The following GABRB2 variants were observed in gnomAD, a reference collection of about 807,000 sequenced individuals.
GABRB2 encodes gamma-aminobutyric acid receptor subunit beta-2.
GABRB2 carries 16 observed loss-of-function variants against 54.7 expected under a neutral mutation model. That is an observed-to-expected ratio of 0.29 (90% confidence interval 0.20 to 0.44). GABRB2 has a LOEUF of 0.44. Among genes scored for constraint, GABRB2 ranks in the 20% least tolerant of loss-of-function variants. The pLI, the probability that GABRB2 is intolerant of heterozygous loss-of-function variation, is 1.00. For missense variants in GABRB2, 355 were observed against 644.0 expected (o/e 0.55, Z 4.86); for synonymous variants, 244 against 233.8 (o/e 1.04, Z -0.40).
chr5:161,442,406 G>C (rs145808612), intron 4 of GABRB2, among the ~76,000 whole-genome samples: 1 of 152,132 alleles, frequency 6.6e-6, no homozygotes, highest in Admixed American at 6.6e-5. Context: ...ACCCACTCTC[G>C]TGCAGAATCT....
chr5:161,386,297 G>T (rs145769641), intron 5 of GABRB2, among the ~76,000 whole-genome samples: 2 of 152,064 alleles, frequency 1.3e-5, no homozygotes, highest in Admixed American at 1.3e-4. Flanking sequence ...AATAATTTTC[G>T]ATGTCATTCA....
intron 5 of GABRB2, among the ~76,000 whole-genome samples, chr5:161,389,316 T>C (rs1485215239): frequency 1.3e-5 from 2 of 152,052 alleles, no homozygotes. Context: ...CCGTGGAAAC[T>C]AGATAATTAA....
chr5:161,453,219 G>T (rs559428187), intron 4 of GABRB2, among the ~76,000 whole-genome samples: 2 of 152,218 alleles, frequency 1.3e-5, no homozygotes, highest in South Asian at 4.1e-4. Context: ...CCCATATCTA[G>T]CCATATCTCT....
intron 5 of GABRB2, among the ~76,000 whole-genome samples, chr5:161,374,772 G>A (rs1404109088): frequency 6.6e-6 from 1 of 151,968 alleles, no homozygotes; most frequent in Non-Finnish European, 1.5e-5. Context: ...TGGTCTTACT[G>A]ATCTTCATGG....
rs138628254 is a variant in GABRB2, at chr5:161,304,976, A to G, written c.1192-10548T>C. On this transcript the variant is annotated intron_variant, in intron 9 of 9. Transcript: ENST00000393959. ...AAACACCTGAAGAAGGAAAAGGGGA[A>G]GAAAACTATATTTATGATATATCAA... 2.0e-3 allele frequency among the ~76,000 whole-genome samples: 303 copies of G among 151,236 alleles called. 2 individuals are homozygous for G. The highest frequency in any genetic ancestry group is 6.8e-3 in the African/African-American group (282 of 41,268).
At chr5:161,461,387 C>G (rs77996061) in intron 3 of GABRB2, among the ~76,000 whole-genome samples, 8,776 of 152,142 alleles carry the variant, frequency 0.058, 623 homozygotes, top group East Asian at 0.17. Context: ...CTTGGGGTCC[C>G]AATTCTACCA....
At chr5:161,369,314 C>G (rs1416521849) in intron 5 of GABRB2, among the ~76,000 whole-genome samples, 1 of 152,152 alleles carries the variant, frequency 6.6e-6, no homozygotes, top group Non-Finnish European at 1.5e-5. Flanking sequence ...GAGCAATACT[C>G]TTTTTCTAAA....
At chr5:161,361,722 TCTTCAG>T (rs1356153474) in intron 5 of GABRB2, among the ~76,000 whole-genome samples, 43 of 152,286 alleles carry the variant, frequency 2.8e-4, no homozygotes, top group African/African-American at 1.0e-3. Flanking sequence ...TCTTCCTGTT[TCTTCAG>T]CATATCAAAC....
intron 9 of GABRB2, among the ~76,000 whole-genome samples, chr5:161,314,114 C>G (rs1476330846): frequency 3.9e-5 from 6 of 152,218 alleles, no homozygotes; most frequent in Non-Finnish European, 7.3e-5. Flanking sequence ...CAACTGAAGT[C>G]AACAATCCTG....
chr5:161,418,386 T>C (rs1218380188), intron 4 of GABRB2, among the ~76,000 whole-genome samples: 1 of 152,198 alleles, frequency 6.6e-6, no homozygotes, highest in African/African-American at 2.4e-5. Context: ...TTCTAAGTTA[T>C]GTCTTAGAGG....
intron 3 of GABRB2, among the ~76,000 whole-genome samples, chr5:161,485,952 T>C (rs914640940): frequency 2.6e-5 from 4 of 151,800 alleles, no homozygotes; most frequent in Non-Finnish European, 5.9e-5. Flanking sequence ...AGCCAAAAGA[T>C]GGAAAATGGT....
intron 3 of GABRB2, among the ~76,000 whole-genome samples, chr5:161,513,065 A>G (rs1759828643): frequency 6.6e-6 from 1 of 151,560 alleles, no homozygotes; most frequent in Admixed American, 6.6e-5. Flanking sequence ...AGAAAAAAAA[A>G]AACAAAAAAA....
At chr5:161,329,338 C>T (rs923054806) in intron 8 of GABRB2, 2 of 148,632 alleles carry the variant, frequency 1.3e-5, no homozygotes, top group Middle Eastern at 3.5e-3. Flanking sequence ...CATTTGACAG[C>T]CTGAGAGAAC....
intron 4 of GABRB2, among the ~76,000 whole-genome samples, chr5:161,454,634 C>A (rs930960418): frequency 2.6e-5 from 4 of 152,160 alleles, no homozygotes; most frequent in Non-Finnish European, 1.5e-5. Flanking sequence ...GCTACTCCAA[C>A]TATATGATTT....
intron 3 of GABRB2, among the ~76,000 whole-genome samples, chr5:161,514,116 C>T (rs530979674): frequency 2.6e-5 from 4 of 152,242 alleles, no homozygotes; most frequent in Admixed American, 6.5e-5. Flanking sequence ...ATGATCGCAG[C>T]TCCAGGGAGC....
Position 161,346,436 on chromosome 5 carries a change from A to G in GABRB2, c.542-9667T>C, listed in dbSNP as rs747089733. The stretch of plus-strand genomic sequence containing the variant: ...ATTAACAAGGCCAATTGAATGGTCC[A>G]GGTGATATGCACAAATGTGCAATAA... On this transcript the variant is annotated intron_variant, in intron 5 of 9. Coordinates refer to ENST00000393959, the MANE Select transcript of GABRB2 (RefSeq NM_001371727.1). Among the ~76,000 whole-genome samples, 196 of 152,166 alleles carry G rather than the reference A, an allele frequency of 1.3e-3. 1 individual carries two copies. Among genetic ancestry groups the G allele is most frequent in the Non-Finnish European group, 2.5e-3 (170 of 68,008 alleles).
chr5:161,298,707 T>C (rs1278687666), intron 9 of GABRB2, among the ~76,000 whole-genome samples: 1 of 152,218 alleles, frequency 6.6e-6, no homozygotes, highest in Non-Finnish European at 1.5e-5. Context: ...CTGAGATCTG[T>C]AAACTGTTAT....
intron 3 of GABRB2, among the ~76,000 whole-genome samples, chr5:161,488,302 A>G (rs887002119): frequency 1.3e-5 from 2 of 150,950 alleles, no homozygotes; most frequent in Admixed American, 6.6e-5. Flanking sequence ...CCTACCAGTC[A>G]CATACTGATA....
At chr5:161,488,394 T>C (rs936168130) in intron 3 of GABRB2, among the ~76,000 whole-genome samples, 3 of 151,760 alleles carry the variant, frequency 2.0e-5, no homozygotes, top group African/African-American at 7.2e-5. Flanking sequence ...GGATATGCTA[T>C]TTCTCTCACT....
Sources: allele counts gnomAD v4.1 joint callset (sites outside exome capture counted in the v4.1 genomes callset), GRCh38; gene constraint gnomAD v4.1.1; transcripts MANE v1.5; gene names NCBI Gene and HGNC (gene_info 2026-07-23, HGNC 2026-07-21).